Variants in DEPDC5 observed in about 807,000 individuals in gnomAD.
DEPDC5 encodes GATOR1 complex protein DEPDC5.
DEPDC5 carries 73 observed loss-of-function variants against 217.3 expected under a neutral mutation model. The ratio of observed to expected loss-of-function variants is 0.34; its 90% CI spans 0.28 to 0.41. DEPDC5 has a LOEUF of 0.41. DEPDC5 is among the 10% of genes least tolerant of loss of function. DEPDC5 has a pLI of 1.00. For missense variants in DEPDC5, 1,675 were observed against 2,070.1 expected, an observed-to-expected ratio of 0.81 and a Z score of 3.70; for synonymous variants, 733 against 756.7, an observed-to-expected ratio of 0.97 and a Z score of 0.51.
At chr22:31,836,261 C>G (rs1385574684) in intron 25 of DEPDC5, among the ~76,000 whole-genome samples, 1 of 152,094 alleles carries the variant, frequency 6.6e-6, no homozygotes, top group Non-Finnish European at 1.5e-5. Context: ...CCAGGACAGC[C>G]CCCACAACAA....
At chr22:31,765,405 T>G (rs1031255150) in intron 5 of DEPDC5, among the ~76,000 whole-genome samples, 3 of 152,116 alleles carry the variant, frequency 2.0e-5, no homozygotes, top group African/African-American at 7.2e-5. Flanking sequence ...TTCTCCTGCC[T>G]CAGCCTCCTG....
intron 6 of DEPDC5, among the ~76,000 whole-genome samples, chr22:31,768,550 A>G (rs961991833): frequency 2.0e-5 from 3 of 152,216 alleles, no homozygotes; most frequent in Admixed American, 6.5e-5. Context: ...AAAGCTGGTC[A>G]TTTATCATCC....
chr22:31,875,517 A>C (rs1392072657), intron 36 of DEPDC5: 1 of 152,098 alleles, frequency 6.6e-6, no homozygotes, highest in Non-Finnish European at 1.5e-5. Context: ...GGAGAGAGAA[A>C]GAGTAATGGG....
Position 31,906,424 on chromosome 22 carries a change from G to C in DEPDC5, c.4739G>C (p.Cys1580Ser), listed in dbSNP as rs776213050. The C allele has an allele frequency of 1.9e-6, 3 of 1,614,086 alleles. 1 individual carries two copies. The South Asian group carries it at 3.3e-5, about 18-fold the overall frequency. The part of the protein sequence containing the change: ...DRLLKDFTDF[C>S]INRDNRLVTF... ...CTGCTGAAGGACTTCACGGACTTCT[G>C]CATCAACCGTGACAACCGGCTGGTC... The change falls in exon 43 of 43, where the codon TGC (cysteine) becomes TCC (serine). Residue 1580 changes from cysteine (C) to serine (S), a missense_variant. Transcript: ENST00000651528. The surrounding 1 kb of genome is among the most constrained non-coding windows in gnomAD (Gnocchi z 5.1).
At chr22:31,821,446 T>G in intron 22 of DEPDC5, 56 bp from the exon 23 acceptor site, 2 of 1,601,474 alleles carry the variant, frequency 1.2e-6, no homozygotes, top group Non-Finnish European at 1.7e-6. Flanking sequence ...TATAGTTAAG[T>G]GCACAGCACT....
intron 39 of DEPDC5, among the ~76,000 whole-genome samples, chr22:31,896,944 C>A (rs2093563113): frequency 6.6e-6 from 1 of 152,118 alleles, no homozygotes; most frequent in Non-Finnish European, 1.5e-5. Flanking sequence ...TGGCAAAACC[C>A]CGTCTCTACT....
chr22:31,780,740 C>T (rs1172446576), intron 8 of DEPDC5, among the ~76,000 whole-genome samples: 1 of 152,332 alleles, frequency 6.6e-6, no homozygotes, highest in Non-Finnish European at 1.5e-5. Flanking sequence ...CACTCATTAG[C>T]AGTTCCCACA....
At chr22:31,780,881 T>C (rs2077798002) in intron 8 of DEPDC5, among the ~76,000 whole-genome samples, 1 of 152,148 alleles carries the variant, frequency 6.6e-6, no homozygotes, top group African/African-American at 2.4e-5. Flanking sequence ...GTCTCTCAAA[T>C]GTTGGTGGAG....
chr22:31,834,835 C>G (rs1042898399), intron 25 of DEPDC5, among the ~76,000 whole-genome samples: 2 of 152,084 alleles, frequency 1.3e-5, no homozygotes, highest in Non-Finnish European at 2.9e-5. Flanking sequence ...AGCCTTTGTC[C>G]CCACTTAATA....
intron 21 of DEPDC5, 173 bp downstream of exon 21, chr22:31,815,385 CTTTTTTTTTTT>C (rs10712869): frequency 1.0e-5 from 6 of 578,278 alleles, no homozygotes; most frequent in South Asian, 9.6e-5. Flanking sequence ...TATTATACTT[CTTTTTTTTTTT>C]TTTTTTTTTT....
chr22:31,782,194 G>A (rs1455297738), intron 8 of DEPDC5, among the ~76,000 whole-genome samples: 1 of 149,926 alleles, frequency 6.7e-6, no homozygotes, highest in Non-Finnish European at 1.5e-5. Flanking sequence ...CTGGAGTGCA[G>A]TGGTATGATC....
chr22:31,843,030 G>A, intron 27 of DEPDC5, 65 bp from the exon 28 acceptor site: 1 of 1,234,808 alleles, frequency 8.1e-7, no homozygotes, highest in East Asian at 2.4e-5. Flanking sequence ...ATATGGATGA[G>A]AAACAATTGT....
intron 7 of DEPDC5, among the ~76,000 whole-genome samples, chr22:31,775,926 A>G (rs111979984): frequency 0.023 from 3,509 of 151,264 alleles, 118 homozygotes; most frequent in African/African-American, 0.074. Context: ...CTGTAATCCC[A>G]GCTACTCGGG....
chr22:31,893,506 G>T, intron 38 of DEPDC5, 76 bp from the exon 39 acceptor site: 1 of 1,380,540 alleles, frequency 7.2e-7, no homozygotes, highest in Non-Finnish European at 9.6e-7. Context: ...TTCATATCTG[G>T]ATACTTAGTT....
intron 10 of DEPDC5, among the ~76,000 whole-genome samples, 177 bp from the exon 11 acceptor site, chr22:31,791,856 G>A (rs1208879823): frequency 6.7e-6 from 1 of 149,244 alleles, no homozygotes; most frequent in African/African-American, 2.5e-5. Context: ...GAACCCAGGA[G>A]GCGGAGGTTG....
At position 31,844,668 on chromosome 22, in the gene DEPDC5, G is replaced by A. The variant is rs12159908; in HGVS notation, c.2802-350G>A. ...GCATTCTGATATCTCTGGAATCAAA[G>A]CAAAAACTGCCTTTGTGGTCTTCCT... On this transcript the variant is annotated intron_variant, in intron 29 of 42. Transcript: ENST00000651528. The A allele has an allele frequency of 8.2e-3, 1,952 of 236,622 alleles. 41 individuals carry two copies. The highest frequency in any genetic ancestry group is 0.043 in the African/African-American group (1,765 of 41,006). 14.7% of individuals were successfully genotyped at this position (236,622 alleles called of 1,614,324 possible).
In DEPDC5 at chr22:31,805,510, T is replaced by C. The variant is rs148390870; in HGVS notation, c.1217+595T>C. Among the ~76,000 whole-genome samples, 89 of 152,082 alleles carry C rather than the reference T, an allele frequency of 5.9e-4. No individual in the cohort carries two copies. The Middle Eastern group carries it at 0.024, about 41-fold the overall frequency. On this transcript the variant is annotated intron_variant, in intron 17 of 42. Transcript: ENST00000651528. ...CTGGGTTGTCTTTCTTTCTTTCTTT[T>C]TTTTTTTTAAGACGGAGTTTCACTC...
chr22:31,766,641 G>A lies in DEPDC5; in HGVS notation c.336G>A (p.Gly112=), dbSNP rs747926664. ...TTAAGGATCAGTATATTGGCCGTGG[G>A]GATATGTGGCGACTAAAGAAAAGTT... ...LTFKDQYIGR[G]DMWRLKKSLV... Residue 112 remains glycine, a synonymous_variant, in exon 6 of 43, where the codon GGG becomes GGA. Transcript: ENST00000651528. The A allele has an allele frequency of 1.9e-6, 3 of 1,613,714 alleles. No individual in the cohort carries two copies. In the South Asian group the frequency reaches 3.3e-5, roughly 18 times the overall value.
chr22:31,839,177 T>C (rs1687770537), intron 27 of DEPDC5, among the ~76,000 whole-genome samples: 1 of 152,188 alleles, frequency 6.6e-6, no homozygotes, highest in East Asian at 1.9e-4. Context: ...TAATTGTTTC[T>C]AGTACAGTAC....
Sources: allele counts gnomAD v4.1 joint callset (sites outside exome capture counted in the v4.1 genomes callset), GRCh38; gene constraint gnomAD v4.1.1; non-coding constraint Gnocchi (gnomAD v3.1); transcripts MANE v1.5; gene names NCBI Gene and HGNC (gene_info 2026-07-23, HGNC 2026-07-21).